Variants in SRGAP2C observed in about 807,000 individuals in gnomAD.
The protein encoded by SRGAP2C is SLIT-ROBO Rho GTPase-activating protein 2C.
In SRGAP2C, 15 loss-of-function variants were observed where a neutral mutation model predicts 25.1. That is an observed-to-expected ratio of 0.60 (90% CI 0.40 to 0.92). The LOEUF (loss-of-function observed/expected upper bound fraction) is 0.92, where lower values mean the gene tolerates loss of function less well. SRGAP2C is among the 40% of genes least tolerant of loss of function. The pLI is 0.00. For synonymous variants in SRGAP2C, 44 were observed against 96.6 expected, an observed-to-expected ratio of 0.46 and a Z score of 3.19; for missense variants, 144 against 264.4, an observed-to-expected ratio of 0.54 and a Z score of 3.16.
chr1:121,286,807 TCTGTTCCACTATAC>T (rs1370925375), intron 3 of SRGAP2C, among the ~76,000 whole-genome samples: 1 of 150,304 alleles, frequency 6.7e-6, no homozygotes, highest in Non-Finnish European at 1.5e-5. Context: ...ATTTCTTGTT[TCTGTTCCACTATAC>T]CCGAGCCAAA....
chr1:121,345,318 C>T (rs868924354), intron 4 of SRGAP2C, among the ~76,000 whole-genome samples: 5 of 152,026 alleles, frequency 3.3e-5, no homozygotes, highest in Non-Finnish European at 4.4e-5. Context: ...TGCTTGTTAA[C>T]TGAAACAATT....
chr1:121,217,883 C>T (rs1352681699), intron 2 of SRGAP2C, among the ~76,000 whole-genome samples: 3 of 151,608 alleles, frequency 2.0e-5, no homozygotes, highest in Non-Finnish European at 4.4e-5. Flanking sequence ...TGTACCTTTT[C>T]TCAACACCTG....
At chr1:121,275,633 A>T (rs1239964781) in intron 2 of SRGAP2C, among the ~76,000 whole-genome samples, 1 of 150,628 alleles carries the variant, frequency 6.6e-6, no homozygotes, top group East Asian at 2.0e-4. Context: ...CTGCCAAAGT[A>T]GTCACGATGA....
chr1:121,233,135 C>T (rs1216301034), intron 2 of SRGAP2C, among the ~76,000 whole-genome samples: 1 of 140,306 alleles, frequency 7.1e-6, no homozygotes, highest in Non-Finnish European at 1.5e-5. Context: ...GAGGGATCTC[C>T]CCCTTGGTTC....
At chr1:121,260,494 T>C (rs1426594670) in intron 2 of SRGAP2C, among the ~76,000 whole-genome samples, 1 of 151,820 alleles carries the variant, frequency 6.6e-6, no homozygotes, top group Admixed American at 6.6e-5. Flanking sequence ...GATGCCTGAT[T>C]ACATCATACC....
chr1:121,218,761 A>T (rs1305627075), intron 2 of SRGAP2C, among the ~76,000 whole-genome samples: 1 of 152,074 alleles, frequency 6.6e-6, no homozygotes, highest in East Asian at 1.9e-4. Flanking sequence ...GGGGAAAAAA[A>T]AAGTGAATGT....
intron 6 of SRGAP2C, among the ~76,000 whole-genome samples, chr1:121,374,398 C>T (rs1301989583): frequency 6.6e-6 from 1 of 151,886 alleles, no homozygotes; most frequent in Non-Finnish European, 1.5e-5. Flanking sequence ...ATTCTAGCCT[C>T]TAGCAGAAAA....
At chr1:121,263,409 C>T (rs1448621044) in intron 2 of SRGAP2C, among the ~76,000 whole-genome samples, 12 of 122,346 alleles carry the variant, frequency 9.8e-5, no homozygotes, top group East Asian at 2.4e-4. Context: ...CCAGCCTGGG[C>T]GACAGAGTGA....
At chr1:121,266,345 GT>G (rs1170259675) in intron 2 of SRGAP2C, among the ~76,000 whole-genome samples, 21 of 149,922 alleles carry the variant, frequency 1.4e-4, no homozygotes, top group African/African-American at 4.9e-4. Context: ...AATAAGAGCA[GT>G]GAAAAACTGT....
chr1:121,345,794 G>A (rs1658730126), intron 4 of SRGAP2C, among the ~76,000 whole-genome samples: 1 of 150,682 alleles, frequency 6.6e-6, no homozygotes, highest in Non-Finnish European at 1.5e-5. Context: ...TGGGATTATA[G>A]TATGTGCCAA....
intron 2 of SRGAP2C, among the ~76,000 whole-genome samples, chr1:121,207,663 G>A (rs1655148492): frequency 6.6e-6 from 1 of 152,232 alleles, no homozygotes; most frequent in African/African-American, 2.4e-5. Context: ...TATGTTGAAA[G>A]AGGGGATCAG....
intron 3 of SRGAP2C, among the ~76,000 whole-genome samples, chr1:121,286,734 G>A (rs1431379887): frequency 9.9e-5 from 15 of 151,982 alleles, no homozygotes; most frequent in African/African-American, 2.9e-4. Context: ...AAAGGTGCAC[G>A]CTTTTTGGCT....
intron 2 of SRGAP2C, among the ~76,000 whole-genome samples, chr1:121,225,759 C>T (rs1372531935): frequency 1.3e-5 from 2 of 148,244 alleles, no homozygotes; most frequent in Non-Finnish European, 1.5e-5. Flanking sequence ...GTCACCCAGG[C>T]TGGAGTGTGA....
chr1:121,249,587 T>A (rs1345190824), intron 2 of SRGAP2C, among the ~76,000 whole-genome samples: 41 of 66,108 alleles, frequency 6.2e-4, no homozygotes, highest in Non-Finnish European at 1.1e-3. Flanking sequence ...TATATTTTTT[T>A]TTTTTTTTTT....
intron 2 of SRGAP2C, among the ~76,000 whole-genome samples, chr1:121,261,094 A>ATTTTTTTTTTTTTTTTTTTTT (rs1211026484): frequency 1.5e-4 from 4 of 26,264 alleles, no homozygotes; most frequent in African/African-American, 4.6e-4. Context: ...ACACCTGGCT[A>ATTTTTTTTTTTTTTTTTTTTT]TTTTTTTTTT....
intron 2 of SRGAP2C, among the ~76,000 whole-genome samples, chr1:121,278,028 C>A (rs1233428101): frequency 1.3e-5 from 2 of 149,432 alleles, no homozygotes; most frequent in Non-Finnish European, 3.0e-5. Flanking sequence ...GTGGCCTTGA[C>A]CTCCTGGGCT....
chr1:121,224,854 A>T (rs1299155654), intron 2 of SRGAP2C, among the ~76,000 whole-genome samples: 2 of 151,238 alleles, frequency 1.3e-5, no homozygotes, highest in Admixed American at 6.6e-5. Context: ...AGTGAAAAGG[A>T]TGTGTACACA....
At chr1:121,345,380 A>C (rs1359011008) in intron 4 of SRGAP2C, among the ~76,000 whole-genome samples, 3 of 151,918 alleles carry the variant, frequency 2.0e-5, no homozygotes, top group Admixed American at 6.6e-5. Flanking sequence ...GCCTTTTAGA[A>C]AGATTACTCT....
intron 2 of SRGAP2C, among the ~76,000 whole-genome samples, chr1:121,265,976 G>A (rs1656767655): frequency 6.6e-6 from 1 of 151,686 alleles, no homozygotes; most frequent in South Asian, 2.1e-4. Flanking sequence ...TTGTTCGTTT[G>A]TTGTTGTTGT....
Sources: gnomAD v4.1 joint callset for allele counts (sites outside exome capture counted in the v4.1 genomes callset) on GRCh38, gnomAD v4.1.1 for gene constraint, MANE v1.5 for transcripts, NCBI Gene and HGNC (gene_info 2026-07-23, HGNC 2026-07-21) for gene names.